Variants in SH3KBP1 observed in about 807,000 individuals in gnomAD.
The protein encoded by SH3KBP1 is SH3 domain-containing kinase-binding protein 1.
A neutral mutation model predicts 50.1 loss-of-function variants in SH3KBP1; 8 were observed. That is an observed-to-expected ratio of 0.16 (90% CI 0.09 to 0.29). The LOEUF (loss-of-function observed/expected upper bound fraction) is 0.29, where lower values mean the gene tolerates loss of function less well. Among genes scored for constraint, SH3KBP1 ranks in the 10% least tolerant of loss-of-function variants. The probability of loss-of-function intolerance (pLI) is 1.00; values close to 1 mark genes in which losing one functional copy is unlikely to be tolerated. For missense variants in SH3KBP1, 377 were observed against 535.2 expected (o/e 0.70, Z 2.92); for synonymous variants, 227 against 218.6 (o/e 1.04, Z -0.34).
At chrX:19,595,548 CT>C (rs1569322685) in intron 9 of SH3KBP1, among the ~76,000 whole-genome samples, 1 of 111,002 alleles carries the variant, frequency 9.0e-6, no homozygotes, top group Non-Finnish European at 1.9e-5. Flanking sequence ...ATGTGATAAA[CT>C]GGAACAGAGA....
chrX:19,668,853 CA>C (rs751777350), intron 6 of SH3KBP1, among the ~76,000 whole-genome samples: 1,178 of 17,839 alleles, frequency 0.066, 14 homozygotes, highest in Non-Finnish European at 0.093. Flanking sequence ...GACTGTGTCT[CA>C]AAAAAAAAAA....
At chrX:19,841,063 C>T (rs192022141) in intron 1 of SH3KBP1, among the ~76,000 whole-genome samples, 2,515 of 112,052 alleles carry the variant, frequency 0.022, 33 homozygotes, top group Non-Finnish European at 0.035. Flanking sequence ...TGGAATGTCT[C>T]CTCCCCCAAA....
At chrX:19,791,270 A>G (rs755654887) in intron 2 of SH3KBP1, among the ~76,000 whole-genome samples, 40 of 111,558 alleles carry the variant, frequency 3.6e-4, no homozygotes, top group Non-Finnish European at 6.0e-4. Flanking sequence ...CAAAACCATA[A>G]GGACATAAAC....
intron 2 of SH3KBP1, among the ~76,000 whole-genome samples, chrX:19,763,617 C>T (rs891295287): frequency 1.8e-5 from 2 of 112,290 alleles, no homozygotes; most frequent in Admixed American, 1.9e-4. Context: ...CTATCTCTGT[C>T]CATACAGAAG....
intron 1 of SH3KBP1, among the ~76,000 whole-genome samples, chrX:19,875,545 C>A (rs747836676): frequency 2.0e-4 from 23 of 112,267 alleles, no homozygotes; most frequent in Non-Finnish European, 4.1e-4. Flanking sequence ...CCCGTAGCAC[C>A]CACTCCTCCA....
chrX:19,590,745 C>T (rs932195305), intron 11 of SH3KBP1, among the ~76,000 whole-genome samples: 8 of 103,831 alleles, frequency 7.7e-5, no homozygotes, highest in Non-Finnish European at 1.4e-4. Context: ...CAGACTCAAG[C>T]GATCCTTCCA....
intron 5 of SH3KBP1, among the ~76,000 whole-genome samples, chrX:19,691,442 A>ATATG (rs1291476392): frequency 9.6e-6 from 1 of 104,532 alleles, no homozygotes; most frequent in Non-Finnish European, 1.9e-5. Flanking sequence ...ATATATATAT[A>ATATG]TATATTTTCA....
At chrX:19,585,057 T>C (rs1230443822) in intron 12 of SH3KBP1, among the ~76,000 whole-genome samples, 2 of 112,142 alleles carry the variant, frequency 1.8e-5, no homozygotes, top group Non-Finnish European at 1.9e-5. Context: ...TAAACCAATA[T>C]ACAGGTTGGT....
intron 7 of SH3KBP1, among the ~76,000 whole-genome samples, chrX:19,644,714 G>A (rs1354056696): frequency 1.8e-5 from 2 of 111,683 alleles, no homozygotes; most frequent in Admixed American, 9.5e-5. Context: ...AACATGTGGC[G>A]ATAATATTTG....
At chrX:19,640,192 T>G (rs1163413180) in intron 7 of SH3KBP1, among the ~76,000 whole-genome samples, 1 of 111,773 alleles carries the variant, frequency 8.9e-6, no homozygotes, top group Non-Finnish European at 1.9e-5. Flanking sequence ...TTAAAAAAAT[T>G]ATATCAGGAA....
In SH3KBP1 at chrX:19,838,059, AAACAACAACAAC is replaced by A. The variant is rs60326622; in HGVS notation, c.5-1789_5-1778del. On this transcript the variant is annotated intron_variant, in intron 1 of 17. Coordinates refer to ENST00000397821, the MANE Select transcript of SH3KBP1 (RefSeq NM_031892.3). ...AGGAGACAAAAAGCACAAATGAGTA[AAACAACAACAAC>A]AACAACAACAACAACAACAACAACA... Among the ~76,000 whole-genome samples, 275 of 100,700 alleles carry A rather than the reference AAACAACAACAAC, an allele frequency of 2.7e-3. 1 individual carries two copies. Among genetic ancestry groups the A allele is most frequent in the Middle Eastern group, 0.02 (4 of 204 alleles). The allele number at this position is 100,700 out of a possible 115,157, so 87.4% of individuals were successfully genotyped here. A position where few individuals can be genotyped will look rare whatever the true frequency, so the allele number is the denominator to read the frequency against.
chrX:19,670,839 C>CAAAAAAAA lies in SH3KBP1; in HGVS notation c.726+12976_726+12983dup, dbSNP rs397973698. ...ACTGGATTTATTACAACTCTAAAAG[C>CAAAAAAAA]AAAAAAAAAAAAAAAGAAATACCTC... On this transcript the variant is annotated intron_variant, in intron 6 of 17. Transcript: ENST00000397821. The CAAAAAAAA allele has an allele frequency of 2.6e-3, 2,568 of 989,183 alleles. 14 individuals are homozygous for CAAAAAAAA. The highest frequency in any genetic ancestry group is 3.0e-3 in the African/African-American group (87 of 28,891). 81.5% of individuals were successfully genotyped at this position (989,183 alleles called of 1,213,427 possible). A position where few individuals can be genotyped will look rare whatever the true frequency, so the allele number is the denominator to read the frequency against.
intron 3 of SH3KBP1, among the ~76,000 whole-genome samples, chrX:19,712,424 A>G (rs2063798524): frequency 1.8e-5 from 2 of 112,164 alleles, no homozygotes; most frequent in Admixed American, 9.4e-5. Context: ...AGGTAGCTAG[A>G]CAGCTAGCTA....
intron 3 of SH3KBP1, among the ~76,000 whole-genome samples, chrX:19,720,182 G>A (rs1441984087): frequency 2.7e-5 from 3 of 110,813 alleles, no homozygotes; most frequent in African/African-American, 9.9e-5. Context: ...TAAAATCAGT[G>A]ACGTCTCTAA....
At chrX:19,760,618 T>C (rs535393491) in intron 2 of SH3KBP1, among the ~76,000 whole-genome samples, 1 of 110,104 alleles carries the variant, frequency 9.1e-6, no homozygotes, top group East Asian at 2.9e-4. Flanking sequence ...AAGGAGCAGC[T>C]AGATTAGGAA....
chrX:19,642,755 A>G (rs1038793353), intron 7 of SH3KBP1, among the ~76,000 whole-genome samples: 4 of 111,456 alleles, frequency 3.6e-5, no homozygotes, highest in African/African-American at 9.8e-5. Context: ...AAATTATGTC[A>G]ATCTGTTCCC....
intron 2 of SH3KBP1, among the ~76,000 whole-genome samples, chrX:19,787,163 C>G (rs1324395879): frequency 9.0e-6 from 1 of 111,711 alleles, no homozygotes; most frequent in Non-Finnish European, 1.9e-5. Flanking sequence ...CTTGATCTTT[C>G]TGGTCCACAA....
chrX:19,706,130 T>C (rs1449624620), intron 4 of SH3KBP1, among the ~76,000 whole-genome samples: 1 of 111,925 alleles, frequency 8.9e-6, no homozygotes, highest in East Asian at 2.8e-4. Context: ...AATTGTGGGT[T>C]TCTGTAAGGT....
chrX:19,723,744 A>G (rs192961680), intron 3 of SH3KBP1, among the ~76,000 whole-genome samples: 135 of 112,113 alleles, frequency 1.2e-3, no homozygotes, highest in Non-Finnish European at 6.6e-4. Context: ...GGATGAGTCT[A>G]AAAGAAAAGG....
Sources: gnomAD v4.1 joint callset for allele counts (sites outside exome capture counted in the v4.1 genomes callset) on GRCh38, gnomAD v4.1.1 for gene constraint, MANE v1.5 for transcripts, NCBI Gene and HGNC (gene_info 2026-07-23, HGNC 2026-07-21) for gene names.